Variants in RBFOX1 observed in about 807,000 individuals in gnomAD.
The protein encoded by RBFOX1 is RNA binding protein fox-1 homolog 1.
RBFOX1 carries 8 observed loss-of-function variants against 57.7 expected under a neutral mutation model. The observed-to-expected ratio is 0.14, with a 90% CI of 0.08 to 0.25. The LOEUF (loss-of-function observed/expected upper bound fraction) is 0.25, where lower values mean the gene tolerates loss of function less well. RBFOX1 is among the 10% of genes least tolerant of loss of function. The pLI is 1.00. For synonymous variants in RBFOX1, 326 were observed against 222.4 expected (o/e 1.47, Z -4.15); for missense variants, 611 against 548.5 (o/e 1.11, Z -1.14).
At chr16:7,554,159 G>C (rs2087531606) in intron 5 of RBFOX1, among the ~76,000 whole-genome samples, 1 of 152,198 alleles carries the variant, frequency 6.6e-6, no homozygotes, top group Non-Finnish European at 1.5e-5. Context: ...CCAAAGCTTA[G>C]TTGGGCTGAT....
At chr16:6,745,915 G>C (rs1273634433) in intron 3 of RBFOX1, among the ~76,000 whole-genome samples, 2 of 152,190 alleles carry the variant, frequency 1.3e-5, no homozygotes, top group South Asian at 2.1e-4. Context: ...CTGGAACTTA[G>C]AAATGAATTT....
Position 7,187,070 on chromosome 16 carries a change from A to C in RBFOX1, c.27+134972A>C, listed in dbSNP as rs111611343. On this transcript the variant is annotated intron_variant, in intron 4 of 15. Transcript: ENST00000550418. ...GTGGTCCCAGCTACTTGGGAGGTTG[A>C]GGTAGGAGGACCACTTTAGCCTCAT... Among the ~76,000 whole-genome samples, 225 of 150,434 alleles carry C rather than the reference A, an allele frequency of 1.5e-3. 1 individual carries two copies. The highest frequency in any genetic ancestry group is 5.2e-3 in the African/African-American group (213 of 40,876).
chr16:6,147,028 G>A (rs2096763548), intron 1 of RBFOX1, among the ~76,000 whole-genome samples: 1 of 152,164 alleles, frequency 6.6e-6, no homozygotes, highest in Non-Finnish European at 1.5e-5. Flanking sequence ...TAGACTCACT[G>A]CATCAGCATC....
chr16:5,490,252 A>C (rs1296758485), intron 2 of RBFOX1, among the ~76,000 whole-genome samples: 1 of 152,236 alleles, frequency 6.6e-6, no homozygotes, highest in African/African-American at 2.4e-5. Flanking sequence ...TTACATCCCA[A>C]GGCAGACACT....
At chr16:5,696,487 G>C (rs557830971) in intron 3 of RBFOX1, among the ~76,000 whole-genome samples, 3 of 152,086 alleles carry the variant, frequency 2.0e-5, no homozygotes, top group Non-Finnish European at 4.4e-5. Context: ...TTGCTTCCTT[G>C]TGCTTTGACT....
intron 4 of RBFOX1, among the ~76,000 whole-genome samples, chr16:7,161,799 A>C (rs556751177): frequency 6.6e-6 from 1 of 152,322 alleles, no homozygotes; most frequent in Non-Finnish European, 1.5e-5. Context: ...CAGCACAAGC[A>C]CTGGATGTTT....
At chr16:7,225,070 C>T (rs2093006166) in intron 4 of RBFOX1, among the ~76,000 whole-genome samples, 2 of 152,206 alleles carry the variant, frequency 1.3e-5, no homozygotes, top group East Asian at 1.9e-4. Context: ...ATGTTTAAAA[C>T]ACTAAGTGTA....
At chr16:6,233,306 T>C (rs1183212291) in intron 1 of RBFOX1, among the ~76,000 whole-genome samples, 1 of 152,028 alleles carries the variant, frequency 6.6e-6, no homozygotes, top group Non-Finnish European at 1.5e-5. Context: ...GATTGCAGGG[T>C]GAGGTTTCTG....
chr16:6,892,208 G>A (rs1322970283), intron 3 of RBFOX1, among the ~76,000 whole-genome samples: 1 of 152,124 alleles, frequency 6.6e-6, no homozygotes, highest in Non-Finnish European at 1.5e-5. Context: ...CTTTGGCCAA[G>A]CAGAACTTCC....
intron 4 of RBFOX1, among the ~76,000 whole-genome samples, chr16:7,242,499 C>A (rs1567859490): frequency 6.6e-6 from 1 of 152,146 alleles, no homozygotes; most frequent in Non-Finnish European, 1.5e-5. Flanking sequence ...GTGTACCTCC[C>A]CCTGCATCCT....
At chr16:6,490,219 A>G (rs1322674475) in intron 2 of RBFOX1, among the ~76,000 whole-genome samples, 3 of 152,228 alleles carry the variant, frequency 2.0e-5, no homozygotes, top group Non-Finnish European at 4.4e-5. Flanking sequence ...AGAAATGCCA[A>G]TTTGACACAT....
intron 1 of RBFOX1, among the ~76,000 whole-genome samples, chr16:5,256,518 T>A (rs1000549587): frequency 1.3e-5 from 2 of 152,228 alleles, no homozygotes; most frequent in Non-Finnish European, 2.9e-5. Context: ...CAAGATTAGA[T>A]GGCAGATGAG....
intron 15 of RBFOX1, 43 bp downstream of exon 15, chr16:7,709,174 CT>C: frequency 6.5e-7 from 1 of 1,535,620 alleles, no homozygotes; most frequent in Non-Finnish European, 9.0e-7. Flanking sequence ...TCCTGCCTCC[CT>C]TCCCTTTCCC....
intron 4 of RBFOX1, among the ~76,000 whole-genome samples, chr16:7,212,992 G>A (rs1057178346): frequency 6.6e-6 from 1 of 152,146 alleles, no homozygotes; most frequent in Non-Finnish European, 1.5e-5. Flanking sequence ...GATCCTTCCA[G>A]TCATCTTGTA....
In RBFOX1 at chr16:7,616,202, G is replaced by A. The variant is rs191857148; in HGVS notation, c.676+8864G>A. ...TCACAGTTAGTTTATTATAACAAAA[G>A]GATACAGATGAAAAATTAGCAAAGA... On this transcript the variant is annotated intron_variant, in intron 10 of 15. Transcript: ENST00000550418. Among the ~76,000 whole-genome samples, 3 of 152,146 alleles carry A rather than the reference G, an allele frequency of 2.0e-5. No homozygotes were observed. In the East Asian group the frequency reaches 5.8e-4, roughly 29 times the overall value.
intron 3 of RBFOX1, among the ~76,000 whole-genome samples, chr16:5,780,536 A>C (rs1284969654): frequency 6.6e-6 from 1 of 152,218 alleles, no homozygotes; most frequent in African/African-American, 2.4e-5. Flanking sequence ...TTGTCAATTT[A>C]AACAATCAAT....
At chr16:7,702,165 G>C (rs4630566) in intron 14 of RBFOX1, among the ~76,000 whole-genome samples, 6 of 152,186 alleles carry the variant, frequency 3.9e-5, no homozygotes, top group Non-Finnish European at 2.9e-5. Context: ...GGGATTCTGC[G>C]ATTTGAAAAT....
chr16:7,114,437 A>C (rs940622725), intron 4 of RBFOX1, among the ~76,000 whole-genome samples: 44 of 152,332 alleles, frequency 2.9e-4, no homozygotes, highest in Non-Finnish European at 5.9e-4. Context: ...ACAGAAATGT[A>C]CCGTGCAGTC....
intron 2 of RBFOX1, among the ~76,000 whole-genome samples, chr16:6,412,222 T>G (rs1466956153): frequency 6.6e-6 from 1 of 151,226 alleles, no homozygotes; most frequent in Non-Finnish European, 1.5e-5. Context: ...ATTATACGAG[T>G]TAGAAACATG....
Sources: allele counts gnomAD v4.1 joint callset (sites outside exome capture counted in the v4.1 genomes callset), GRCh38; gene constraint gnomAD v4.1.1; transcripts MANE v1.5; gene names NCBI Gene and HGNC (gene_info 2026-07-23, HGNC 2026-07-21).